Variants in TMEM232 observed in about 807,000 individuals in gnomAD.
The protein encoded by TMEM232 is transmembrane protein 232.
A neutral mutation model predicts 78.8 loss-of-function variants in TMEM232; 80 were observed. That is an observed-to-expected ratio of 1.01 (90% CI 0.85 to 1.22). TMEM232 has a LOEUF of 1.22. TMEM232 is among the 50% of genes most tolerant of loss of function. TMEM232 has a pLI of 0.00. For missense variants in TMEM232, 881 were observed against 742.2 expected (o/e 1.19, Z -2.17); for synonymous variants, 297 against 254.3 (o/e 1.17, Z -1.60).
At chr5:110,679,647 A>C (rs1792467491) in intron 1 of TMEM232, among the ~76,000 whole-genome samples, 1 of 152,166 alleles carries the variant, frequency 6.6e-6, no homozygotes, top group South Asian at 2.1e-4. Context: ...AACATATGAA[A>C]TTACTCTTTC....
At chr5:110,673,844 C>T (rs923377390) in intron 1 of TMEM232, among the ~76,000 whole-genome samples, 1 of 152,024 alleles carries the variant, frequency 6.6e-6, no homozygotes, top group Non-Finnish European at 1.5e-5. Context: ...TTATTATTAA[C>T]CCTTTAATTC....
intron 10 of TMEM232, among the ~76,000 whole-genome samples, chr5:110,592,459 A>G (rs951793390): frequency 6.6e-6 from 1 of 152,154 alleles, no homozygotes; most frequent in Middle Eastern, 3.2e-3. Context: ...GTCATAGAAA[A>G]ATGTACTGAC....
At chr5:110,735,188 A>C (rs1445164418) in intron 1 of TMEM232, among the ~76,000 whole-genome samples, 1 of 152,238 alleles carries the variant, frequency 6.6e-6, no homozygotes, top group African/African-American at 2.4e-5. Context: ...ATTTTTGAGC[A>C]AAATGTTAAC....
At chr5:110,424,683 A>G in intron 13 of TMEM232, 140 bp downstream of exon 13, 1 of 675,936 alleles carries the variant, frequency 1.5e-6, no homozygotes. Context: ...AGTGAGATAT[A>G]ATTCAGTTTG....
At chr5:110,515,967 C>T (rs1417389650) in intron 12 of TMEM232, among the ~76,000 whole-genome samples, 1 of 152,200 alleles carries the variant, frequency 6.6e-6, no homozygotes, top group African/African-American at 2.4e-5. Flanking sequence ...AGGCCGGGCA[C>T]GGTGGCTCAC....
chr5:110,547,923 G>A lies in TMEM232; in HGVS notation c.1456-19088C>T, dbSNP rs192388477. Reference sequence around the variant, plus strand: ...TGAGGCAGGAGAATAGCTTGAACCCGGGAGGCGAAGGTTGCAGTGAGCTGA... The same window carrying A: ...TGAGGCAGGAGAATAGCTTGAACCCAGGAGGCGAAGGTTGCAGTGAGCTGA... On this transcript the variant is annotated intron_variant, in intron 11 of 13. Coordinates refer to ENST00000455884, the MANE Select transcript of TMEM232 (RefSeq NM_001039763.4). 2.3e-3 allele frequency among the ~76,000 whole-genome samples: 346 copies of A among 150,684 alleles called. 3 individuals carry two copies. Among genetic ancestry groups the A allele is most frequent in the Middle Eastern group, 3.4e-3 (1 of 292 alleles).
At chr5:110,553,647 A>G (rs773565525) in intron 11 of TMEM232, among the ~76,000 whole-genome samples, 5 of 152,148 alleles carry the variant, frequency 3.3e-5, no homozygotes, top group Non-Finnish European at 7.4e-5. Context: ...GGTTTTCTAG[A>G]TATAGAGTCA....
intron 1 of TMEM232, among the ~76,000 whole-genome samples, chr5:110,717,560 A>C (rs1410082072): frequency 1.3e-5 from 2 of 152,250 alleles, no homozygotes; most frequent in African/African-American, 4.8e-5. Flanking sequence ...CTAAGGTACG[A>C]TTTAAGTCAT....
chr5:110,570,660 C>G (rs7714287), intron 10 of TMEM232, among the ~76,000 whole-genome samples: 14,378 of 151,922 alleles, frequency 0.095, 817 homozygotes, highest in South Asian at 0.2. Flanking sequence ...AAAAGGTTAG[C>G]TCTGAGAATA....
Position 110,638,198 on chromosome 5 carries a change from C to G in TMEM232, c.501G>C (p.Lys167Asn). 1.3e-6 allele frequency: 2 copies of G among 1,536,486 alleles called. No homozygotes were observed. The highest frequency in any genetic ancestry group is 1.8e-6 in the Non-Finnish European group (2 of 1,140,650). The part of the protein sequence containing the change: ...YLYSVEIKLA[K>N]IGYLVFLRLF... ...CATTAAGAAGTTTTTCAAAACATAC[C>G]TTTGCTAGCTTTATTTCAACTGAAT... Residue 167 changes from lysine to asparagine, a missense_variant and splice_region_variant, in exon 5 of 14, where the codon AAG (lysine) becomes AAC (asparagine). Coordinates refer to ENST00000455884, the MANE Select transcript of TMEM232 (RefSeq NM_001039763.4).
chr5:110,582,859 C>T (rs1778364588), intron 10 of TMEM232, among the ~76,000 whole-genome samples: 3 of 151,974 alleles, frequency 2.0e-5, no homozygotes, highest in Non-Finnish European at 2.9e-5. Context: ...TGTTTCTATA[C>T]ACTAATAACA....
intron 8 of TMEM232, among the ~76,000 whole-genome samples, chr5:110,606,779 A>G (rs1378516604): frequency 2.0e-5 from 3 of 152,060 alleles, no homozygotes; most frequent in African/African-American, 7.2e-5. Flanking sequence ...AATAAAATTT[A>G]TATTTCACAT....
intron 11 of TMEM232, among the ~76,000 whole-genome samples, chr5:110,564,374 A>C: frequency 6.6e-6 from 1 of 152,030 alleles, no homozygotes; most frequent in East Asian, 1.9e-4. Flanking sequence ...TTTATGAAGA[A>C]TGAATGGCCT....
intron 10 of TMEM232, among the ~76,000 whole-genome samples, chr5:110,603,002 GA>G (rs1425491439): frequency 6.6e-6 from 1 of 152,094 alleles, no homozygotes; most frequent in Admixed American, 6.6e-5. Context: ...GGACATGGAT[GA>G]AGCTGGAAAC....
rs148590273 is a variant in TMEM232, at chr5:110,560,354, C to T, written c.1455+8093G>A. 3.3e-5 allele frequency among the ~76,000 whole-genome samples: 5 copies of T among 152,148 alleles called. No homozygotes were observed. In the East Asian group the frequency reaches 9.7e-4, roughly 29 times the overall value. On this transcript the variant is annotated intron_variant, in intron 11 of 13. Transcript: ENST00000455884. Reference sequence around the variant, plus strand: ...CCAACCAGAAATACATAAACATTTGCATCAGAAGATATTACAAAAATGCTT... The same window carrying T: ...CCAACCAGAAATACATAAACATTTGTATCAGAAGATATTACAAAAATGCTT...
Position 110,426,574 on chromosome 5 carries a change from C to G in TMEM232, c.1704-1658G>C, listed in dbSNP as rs561996808. On this transcript the variant is annotated intron_variant, in intron 12 of 13. Transcript: ENST00000455884. ...GGAGACATGTTGAGAGTAGAGTTGA[C>G]AGTAGGAGTTCAAAAGAAAACAATG... 3.3e-5 allele frequency among the ~76,000 whole-genome samples: 5 copies of G among 151,970 alleles called. No homozygotes were observed. In the East Asian group the frequency reaches 9.7e-4, roughly 29 times the overall value.
chr5:110,625,173 T>G, intron 7 of TMEM232, 94 bp downstream of exon 7: 1 of 1,263,050 alleles, frequency 7.9e-7, no homozygotes, highest in South Asian at 2.2e-5. Flanking sequence ...CATTCCTCAA[T>G]GTCTACTGTA....
chr5:110,657,255 T>C (rs372626521), intron 2 of TMEM232, among the ~76,000 whole-genome samples: 5 of 152,160 alleles, frequency 3.3e-5, no homozygotes, highest in Admixed American at 2.6e-4. Context: ...TGGATATATA[T>C]CCAAAGAAAA....
chr5:110,431,095 C>T (rs1435983682), intron 12 of TMEM232, among the ~76,000 whole-genome samples: 5 of 151,352 alleles, frequency 3.3e-5, no homozygotes, highest in African/African-American at 7.3e-5. Flanking sequence ...TTAGAGCTGC[C>T]GAGGTAGCCA....
Sources: gnomAD v4.1 joint callset for allele counts (sites outside exome capture counted in the v4.1 genomes callset) on GRCh38, gnomAD v4.1.1 for gene constraint, MANE v1.5 for transcripts, NCBI Gene and HGNC (gene_info 2026-07-23, HGNC 2026-07-21) for gene names.